CDADC1: variants seen among roughly 807,000 people sequenced by gnomAD.
CDADC1 encodes the protein cytidine and dCMP deaminase domain containing 1.
CDADC1 carries 39 observed loss-of-function variants against 54.9 expected under a neutral mutation model. The ratio of observed to expected loss-of-function variants is 0.71; its 90% CI spans 0.55 to 0.93. CDADC1 has a LOEUF of 0.93. CDADC1 is among the 40% of genes least tolerant of loss of function. CDADC1 has a pLI of 0.00. For missense variants in CDADC1, 518 were observed against 618.8 expected, an observed-to-expected ratio of 0.84 and a Z score of 1.73; for synonymous variants, 186 against 204.0, an observed-to-expected ratio of 0.91 and a Z score of 0.75.
Position 49,268,127 on chromosome 13 carries a change from C to T in CDADC1, c.1000+68C>T, listed in dbSNP as rs1952869954. The T allele has an allele frequency of 3.2e-6, 4 of 1,235,980 alleles. No homozygotes were observed. The South Asian group carries it at 4.1e-5, about 13-fold the overall frequency. 76.6% of individuals were successfully genotyped at this position (1,235,980 alleles called of 1,614,324 possible). On this transcript the variant is annotated intron_variant, in intron 5 of 9. Transcript: ENST00000251108. ...GTATTTGTCTCTGAAGTGTTCGTCT[C>T]ATTTATGGTAGAGTTCATTTACTCA...
At position 49,280,562 on chromosome 13, in the gene CDADC1, CAT is replaced by C; in HGVS notation, c.1275_1276del (p.Cys426Ter). 1.3e-6 allele frequency: 2 copies of C among 1,507,464 alleles called. No homozygotes were observed. The allele number at this position is 1,507,464 out of a possible 1,614,324, so 93.4% of individuals were successfully genotyped here. On this transcript the variant is annotated frameshift_variant, in exon 8 of 10. Coordinates refer to ENST00000251108, the MANE Select transcript of CDADC1 (RefSeq NM_030911.4). LOFTEE classifies it high-confidence loss of function. ...AGCATGATTTTTGTGACAAAGTGCC[CAT>C]GTGATGAGTGTGTACCTTTAATTAA...
intron 4 of CDADC1, among the ~76,000 whole-genome samples, chr13:49,263,893 T>C (rs1339977216): frequency 6.6e-6 from 1 of 152,226 alleles, no homozygotes; most frequent in African/African-American, 2.4e-5. Flanking sequence ...AGCGAAGACC[T>C]GTTAAAGTTC....
rs769048385 is a variant in CDADC1 at position 49,286,294 on chromosome 13, T to C, written c.1471+12T>C. On this transcript the variant is annotated intron_variant, in intron 9 of 9. Coordinates refer to ENST00000251108, the MANE Select transcript of CDADC1 (RefSeq NM_030911.4). ...TGAAAGGAGAGAAAGTAAGTATTTA[T>C]GTATTGAGGTGAACTTTGTTGCTGA... is the stretch of plus-strand genomic sequence containing the variant. 1.8e-5 allele frequency: 29 copies of C among 1,596,018 alleles called. No homozygotes were observed. The highest frequency in any genetic ancestry group is 2.4e-5 in the Non-Finnish European group (28 of 1,163,664).
chr13:49,292,648 T>A lies in CDADC1; in HGVS notation c.*891T>A. On this transcript the variant is annotated 3_prime_UTR_variant, in exon 10 of 10. Transcript: ENST00000251108. ...ATTTGCCAACCTCAAGAATAAATAC[T>A]GAAAGTCTTGAAAGTATGGTCATTT... 5.0e-6 allele frequency: 6 copies of A among 1,191,456 alleles called. No individual in the cohort carries two copies. The highest frequency in any genetic ancestry group is 6.3e-6 in the Non-Finnish European group (6 of 945,078). 73.8% of individuals were successfully genotyped at this position (1,191,456 alleles called of 1,614,324 possible). A position where few individuals can be genotyped will look rare whatever the true frequency, so the allele number is the denominator to read the frequency against.
At position 49,267,755 on chromosome 13, in the gene CDADC1, A is replaced by G; in HGVS notation, c.696A>G (p.Lys232=). ...ACACTGACTTTTATTATGAATGTAA[A>G]CAAGAAAGAATAAAAGAATATGAAA... The part of the protein sequence containing the change: ...DANTDFYYEC[K]QERIKEYEML... The change falls in exon 5 of 10, where the codon AAA becomes AAG. Residue 232 remains lysine, a synonymous_variant. Coordinates refer to ENST00000251108, the MANE Select transcript of CDADC1 (RefSeq NM_030911.4). 1 of 1,611,334 alleles carries G rather than the reference A, an allele frequency of 6.2e-7. No homozygotes were observed. Among genetic ancestry groups the G allele is most frequent in the South Asian group, 1.1e-5 (1 of 90,496 alleles).
At chr13:49,248,756 T>G in intron 1 of CDADC1, 115 bp from the exon 2 acceptor site, 1 of 711,412 alleles carries the variant, frequency 1.4e-6, no homozygotes, top group South Asian at 1.6e-5. Flanking sequence ...TATCTTTTTC[T>G]GTGCCTCTTG....
At chr13:49,271,475 CAG>C (rs903869591) in intron 5 of CDADC1, among the ~76,000 whole-genome samples, 2 of 152,060 alleles carry the variant, frequency 1.3e-5, no homozygotes, top group African/African-American at 4.8e-5. Context: ...AAACAGAACT[CAG>C]TGGTTCTCAG....
intron 5 of CDADC1, among the ~76,000 whole-genome samples, chr13:49,272,844 G>C (rs1953006957): frequency 1.3e-5 from 2 of 151,938 alleles, no homozygotes; most frequent in African/African-American, 4.8e-5. Flanking sequence ...TTTTAGTAGA[G>C]ACGGGGTTTC....
chr13:49,248,027 C>A lies in CDADC1; in HGVS notation c.-11C>A. The A allele has an allele frequency of 1.3e-6, 2 of 1,551,990 alleles. No individual in the cohort carries two copies. Among genetic ancestry groups the A allele is most frequent in the Non-Finnish European group, 1.7e-6 (2 of 1,147,176 alleles). On this transcript the variant is annotated 5_prime_UTR_variant, in exon 1 of 10. Coordinates refer to ENST00000251108, the MANE Select transcript of CDADC1 (RefSeq NM_030911.4). ...GAGGTTTCCTTGGCAGCAGAGGACG[C>A]TAGGTTTGGGATGAAAGAAGCTGGG...
intron 4 of CDADC1, 80 bp from the exon 5 acceptor site, chr13:49,267,410 C>T (rs1952840317): frequency 9.0e-7 from 1 of 1,115,190 alleles, no homozygotes; most frequent in Admixed American, 2.2e-5. Flanking sequence ...AGATATACTG[C>T]AATGATAGGG....
intron 4 of CDADC1, among the ~76,000 whole-genome samples, chr13:49,263,287 A>G (rs1365686198): frequency 1.3e-5 from 2 of 152,244 alleles, no homozygotes; most frequent in African/African-American, 4.8e-5. Context: ...TGGAAAACTC[A>G]TATTCTCTAT....
chr13:49,283,580 T>C (rs569922951), intron 8 of CDADC1, among the ~76,000 whole-genome samples: 1 of 152,306 alleles, frequency 6.6e-6, no homozygotes, highest in African/African-American at 2.4e-5. Context: ...AATTCTGAAA[T>C]ATCTTGCTTA....
chr13:49,265,946 A>G (rs1473705533), intron 4 of CDADC1: 1 of 1,302,554 alleles, frequency 7.7e-7, no homozygotes, highest in South Asian at 1.2e-5. Context: ...GAAATGGATT[A>G]TGAGAACTCG....
At chr13:49,284,494 T>C (rs548566961) in intron 8 of CDADC1, among the ~76,000 whole-genome samples, 1 of 152,376 alleles carries the variant, frequency 6.6e-6, no homozygotes, top group South Asian at 2.1e-4. Context: ...TTTTTATGAA[T>C]GTCCTTAAAC....
intron 5 of CDADC1, among the ~76,000 whole-genome samples, chr13:49,273,638 A>G (rs1953027289): frequency 6.6e-6 from 1 of 152,202 alleles, no homozygotes; most frequent in African/African-American, 2.4e-5. Context: ...AATGGGCAAG[A>G]TGTCATTAAC....
At chr13:49,274,250 TATC>T (rs1262208896) in intron 5 of CDADC1, 38 bp from the exon 6 acceptor site, 3 of 1,451,088 alleles carry the variant, frequency 2.1e-6, no homozygotes, top group South Asian at 2.5e-5. Flanking sequence ...AAAACTAACA[TATC>T]ATAATTTTTA....
intron 4 of CDADC1, 81 bp from the exon 5 acceptor site, chr13:49,267,409 G>A: frequency 1.8e-6 from 2 of 1,107,746 alleles, no homozygotes; most frequent in East Asian, 2.5e-5. Context: ...TAGATATACT[G>A]CAATGATAGG....
At chr13:49,252,835 A>T (rs1952464775) in intron 2 of CDADC1, among the ~76,000 whole-genome samples, 1 of 152,238 alleles carries the variant, frequency 6.6e-6, no homozygotes, top group Non-Finnish European at 1.5e-5. Flanking sequence ...ATTTTAAATT[A>T]TACAGTAAGA....
chr13:49,281,540 A>G (rs1953335475), intron 8 of CDADC1, among the ~76,000 whole-genome samples: 1 of 152,122 alleles, frequency 6.6e-6, no homozygotes, highest in African/African-American at 2.4e-5. Context: ...TTCTGCTCCT[A>G]TGAGAATCTA....
Sources: gnomAD v4.1 joint callset for allele counts (sites outside exome capture counted in the v4.1 genomes callset) on GRCh38, gnomAD v4.1.1 for gene constraint, MANE v1.5 for transcripts, NCBI Gene and HGNC (gene_info 2026-07-23, HGNC 2026-07-21) for gene names.